ARHGAP24: variants seen among roughly 807,000 people sequenced by gnomAD.
The protein encoded by ARHGAP24 is Rho GTPase activating protein 24.
In ARHGAP24, 50 loss-of-function variants were observed where a neutral mutation model predicts 76.4. The ratio of observed to expected loss-of-function variants is 0.65; its 90% CI spans 0.52 to 0.83. The LOEUF is 0.83. Ranked by LOEUF, ARHGAP24 falls within the 40% of genes least tolerant of loss-of-function variation. The pLI is 0.00. For synonymous variants in ARHGAP24, 345 were observed against 323.3 expected (o/e 1.07, Z -0.72); for missense variants, 930 against 914.2 (o/e 1.02, Z -0.22).
chr4:85,589,903 A>G (rs1728013732), intron 2 of ARHGAP24, among the ~76,000 whole-genome samples: 1 of 152,186 alleles, frequency 6.6e-6, no homozygotes, highest in African/African-American at 2.4e-5. Context: ...TGGATCTGAT[A>G]TTTTTCAAAG....
chr4:85,882,627 C>G (rs1733324792), intron 3 of ARHGAP24, among the ~76,000 whole-genome samples: 1 of 152,078 alleles, frequency 6.6e-6, no homozygotes, highest in African/African-American at 2.4e-5. Flanking sequence ...TGATGAACAG[C>G]TTAGAGAATC....
intron 2 of ARHGAP24, among the ~76,000 whole-genome samples, chr4:85,697,629 A>C (rs115888306): frequency 0.015 from 2,233 of 152,354 alleles, 47 homozygotes; most frequent in African/African-American, 0.05. Context: ...ATGTTCTAGA[A>C]GACAGGTTAA....
At chr4:85,637,381 TGAA>T (rs1721344957) in intron 2 of ARHGAP24, among the ~76,000 whole-genome samples, 3 of 152,114 alleles carry the variant, frequency 2.0e-5, no homozygotes, top group African/African-American at 7.2e-5. Flanking sequence ...GTGGAGATCA[TGAA>T]GAATAGGTGT....
In ARHGAP24 at chr4:85,898,952, C is replaced by T. The variant is rs1390146621; in HGVS notation, c.269-24696C>T. On this transcript the variant is annotated intron_variant, in intron 3 of 9. Transcript: ENST00000395184. ...AGAGATGGAGTTTCACCATGTTGGCCGGGCTAGTCTCGAACTCCTGACCTC... is the reference window on the plus strand; with the variant it reads ...AGAGATGGAGTTTCACCATGTTGGCTGGGCTAGTCTCGAACTCCTGACCTC... Among the ~76,000 whole-genome samples, 3 of 152,160 alleles carry T rather than the reference C, an allele frequency of 2.0e-5. No homozygotes were observed. The East Asian group carries it at 5.8e-4, about 29-fold the overall frequency.
At chr4:85,895,000 G>GAAA (rs1560701790) in intron 3 of ARHGAP24, among the ~76,000 whole-genome samples, 3 of 47,990 alleles carry the variant, frequency 6.3e-5, no homozygotes, top group Non-Finnish European at 9.1e-5. Flanking sequence ...AAAACAAAAA[G>GAAA]CAAAAAAAAA....
chr4:85,744,951 A>G (rs1725970712), intron 3 of ARHGAP24, among the ~76,000 whole-genome samples: 1 of 152,192 alleles, frequency 6.6e-6, no homozygotes, highest in African/African-American at 2.4e-5. Flanking sequence ...AAACAGCTAG[A>G]CAAGTCTAAA....
At chr4:85,767,861 G>C (rs1037845065) in intron 3 of ARHGAP24, among the ~76,000 whole-genome samples, 1 of 152,158 alleles carries the variant, frequency 6.6e-6, no homozygotes, top group South Asian at 2.1e-4. Context: ...CTGGGGAATA[G>C]AGTGCATGTT....
chr4:85,500,522 G>C (rs1024386308), intron 1 of ARHGAP24, among the ~76,000 whole-genome samples: 1 of 152,126 alleles, frequency 6.6e-6, no homozygotes, highest in Non-Finnish European at 1.5e-5. Flanking sequence ...CTGTATAAAT[G>C]TTTACCAAAA....
intron 5 of ARHGAP24, among the ~76,000 whole-genome samples, chr4:85,958,252 G>T (rs1473556257): frequency 6.6e-6 from 1 of 152,100 alleles, no homozygotes; most frequent in Non-Finnish European, 1.5e-5. Context: ...CAGGGTTGTT[G>T]TATTCATTCA....
chr4:85,691,525 A>T lies in ARHGAP24; in HGVS notation c.181-30360A>T, dbSNP rs1044534749. ...TTTGTTTTATTAATCTTGGTGCCCC[A>T]ATGTTGGGTGCAGATATATTTAAGA... is the stretch of plus-strand genomic sequence containing the variant. On this transcript the variant is annotated intron_variant, in intron 2 of 9. Transcript: ENST00000395184. Among the ~76,000 whole-genome samples, 3 of 152,114 alleles carry T rather than the reference A, an allele frequency of 2.0e-5. No individual in the cohort carries two copies. The East Asian group carries it at 5.8e-4, about 29-fold the overall frequency.
intron 3 of ARHGAP24, among the ~76,000 whole-genome samples, chr4:85,865,481 A>AATTAGTAGTATAT (rs1560681284): frequency 6.8e-6 from 1 of 147,178 alleles, no homozygotes; most frequent in East Asian, 1.9e-4. Flanking sequence ...TAGTAGTATA[A>AATTAGTAGTATAT]ACAAATAATA....
Position 85,701,914 on chromosome 4 carries a change from G to T in ARHGAP24, c.181-19971G>T, listed in dbSNP as rs563248276. 5.9e-5 allele frequency among the ~76,000 whole-genome samples: 9 copies of T among 152,258 alleles called. No individual in the cohort carries two copies. In the South Asian group the frequency reaches 1.7e-3, roughly 28 times the overall value. ...GCTGATTATCCAAACCATCTGCAAT[G>T]TGGTCAGATCACACTTCCTTCATGT... On this transcript the variant is annotated intron_variant, in intron 2 of 9. Coordinates refer to ENST00000395184, the MANE Select transcript of ARHGAP24 (RefSeq NM_001025616.3).
chr4:85,705,916 A>T (rs1030342621), intron 2 of ARHGAP24, among the ~76,000 whole-genome samples: 2 of 139,702 alleles, frequency 1.4e-5, no homozygotes, highest in Non-Finnish European at 3.0e-5. Flanking sequence ...TTTTCTTAAC[A>T]GATGAATAAA....
intron 2 of ARHGAP24, among the ~76,000 whole-genome samples, chr4:85,718,790 T>C (rs1172509899): frequency 2.0e-5 from 3 of 152,152 alleles, no homozygotes; most frequent in Non-Finnish European, 2.9e-5. Flanking sequence ...AAAATGTTAA[T>C]AAAAATTTCA....
chr4:85,948,892 A>T (rs1045758969), intron 5 of ARHGAP24, among the ~76,000 whole-genome samples: 3 of 152,170 alleles, frequency 2.0e-5, no homozygotes, highest in African/African-American at 7.2e-5. Context: ...AGCTAGAGAT[A>T]CTGTCTTAGG....
rs550790548 is a variant in ARHGAP24, at chr4:85,902,612, T to G, written c.269-21036T>G. Among the ~76,000 whole-genome samples, 4 of 152,310 alleles carry G rather than the reference T, an allele frequency of 2.6e-5. No individual in the cohort carries two copies. In the South Asian group the frequency reaches 8.3e-4, roughly 32 times the overall value. On this transcript the variant is annotated intron_variant, in intron 3 of 9. Transcript: ENST00000395184. ...GGATCATACATCTGTTTTTTATTTT[T>G]TATTTTTTTGAACCGGAGTCTCACT...
At chr4:85,827,965 G>A in intron 3 of ARHGAP24, 1 of 1,289,774 alleles carries the variant, frequency 7.8e-7, no homozygotes, top group Non-Finnish European at 1.0e-6. Context: ...TGAAGTGTAT[G>A]TTTGTGCAAG....
chr4:85,748,288 G>C (rs1298785926), intron 3 of ARHGAP24, among the ~76,000 whole-genome samples: 6 of 152,280 alleles, frequency 3.9e-5, no homozygotes, highest in Middle Eastern at 3.4e-3. Flanking sequence ...GCTCTTAAAA[G>C]ATTTTTACTC....
At chr4:85,639,840 G>A (rs1342452928) in intron 2 of ARHGAP24, among the ~76,000 whole-genome samples, 5 of 152,180 alleles carry the variant, frequency 3.3e-5, no homozygotes, top group African/African-American at 1.2e-4. Flanking sequence ...AGGCTAATAT[G>A]CCATGATGGG....
Sources: allele counts gnomAD v4.1 joint callset (sites outside exome capture counted in the v4.1 genomes callset), GRCh38; gene constraint gnomAD v4.1.1; transcripts MANE v1.5; gene names NCBI Gene and HGNC (gene_info 2026-07-23, HGNC 2026-07-21).